THOC1: variants seen among roughly 807,000 people sequenced by gnomAD.
THOC1 encodes the protein THO complex 1.
Under a neutral mutation model 97.3 loss-of-function variants are expected in THOC1, and 29 were observed. The observed-to-expected ratio is 0.30, with a 90% CI of 0.22 to 0.41. The LOEUF (loss-of-function observed/expected upper bound fraction) is 0.41. Ranked by LOEUF, THOC1 falls within the 10% of genes least tolerant of loss-of-function variation. The probability of loss-of-function intolerance (pLI) is 1.00; values close to 1 mark genes in which losing one functional copy is unlikely to be tolerated. For missense variants in THOC1, 529 were observed against 761.9 expected (o/e 0.69, Z 3.60); for synonymous variants, 255 against 257.0 (o/e 0.99, Z 0.07).
intron 9 of THOC1, among the ~76,000 whole-genome samples, chr18:248,306 A>G (rs1912161221): frequency 6.6e-6 from 1 of 152,194 alleles, no homozygotes; most frequent in African/African-American, 2.4e-5. Flanking sequence ...CTTTTGGGCC[A>G]TATTTTATCA....
intron 11 of THOC1, among the ~76,000 whole-genome samples, chr18:227,381 C>T (rs952134032): frequency 6.6e-6 from 1 of 151,898 alleles, no homozygotes; most frequent in Admixed American, 6.6e-5. Flanking sequence ...GAAATAATGG[C>T]TAAAGAAGAT....
At chr18:248,238 G>A (rs567604781) in intron 9 of THOC1, among the ~76,000 whole-genome samples, 47 of 152,300 alleles carry the variant, frequency 3.1e-4, no homozygotes, top group Non-Finnish European at 4.4e-4. Flanking sequence ...CTTGCTGCTC[G>A]CATGGTCATG....
chr18:238,969 C>T (rs749326732), intron 11 of THOC1, among the ~76,000 whole-genome samples: 1 of 152,134 alleles, frequency 6.6e-6, no homozygotes, highest in Non-Finnish European at 1.5e-5. Context: ...TTTTAATAAA[C>T]ATAAGACTTT....
chr18:265,514 G>C lies in THOC1; in HGVS notation c.71C>G (p.Ala24Gly), dbSNP rs1255057456. 6.3e-7 allele frequency: 1 copy of C among 1,589,252 alleles called. No homozygotes were observed. Among genetic ancestry groups the C allele is most frequent in the African/African-American group, 1.3e-5 (1 of 74,318 alleles). Residue 24 changes from alanine (A) to glycine (G), a missense_variant, in exon 2 of 21, where the codon GCC (alanine) becomes GGC (glycine). Transcript: ENST00000261600. The stretch of plus-strand genomic sequence containing the variant: ...TGGCTTGATGTTTTTGTTGTTCAAG[G>C]CCTCTCTGGTAGACTTCTAAAAAAA... ...RTRFTKSTRE[A>G]LNNKNIKPLL...
chr18:216,212 A>G (rs371374149), intron 19 of THOC1: 1 of 295,010 alleles, frequency 3.4e-6, no homozygotes, highest in Non-Finnish European at 6.3e-6. Context: ...TCGGCCTCCC[A>G]AAGTGCTGGG....
At chr18:215,958 G>A (rs912923412) in intron 19 of THOC1, among the ~76,000 whole-genome samples, 3 of 152,042 alleles carry the variant, frequency 2.0e-5, no homozygotes, top group Non-Finnish European at 4.4e-5. Flanking sequence ...GAAGTATCAC[G>A]AACTTTAATT....
chr18:259,027 T>C (rs1341639800), intron 7 of THOC1, among the ~76,000 whole-genome samples, 153 bp downstream of exon 7: 1 of 152,156 alleles, frequency 6.6e-6, no homozygotes, highest in Non-Finnish European at 1.5e-5. Context: ...AGGACTGCTA[T>C]ACATTTATAA....
At chr18:224,841 T>A (rs1911223189) in intron 15 of THOC1, 83 bp downstream of exon 15, 1 of 1,100,654 alleles carries the variant, frequency 9.1e-7, no homozygotes, top group Non-Finnish European at 1.3e-6. Context: ...CATGCTATAA[T>A]CATATCGGAG....
rs530696555 is a variant in THOC1, at chr18:252,655, T to G, written c.604-43A>C. 4.6e-6 allele frequency: 7 copies of G among 1,511,586 alleles called. No individual in the cohort carries two copies. In the South Asian group the frequency reaches 8.1e-5, roughly 17 times the overall value. The allele number at this position is 1,511,586 out of a possible 1,614,324, so 93.6% of individuals were successfully genotyped here. A position where few individuals can be genotyped will look rare whatever the true frequency, so the allele number is the denominator to read the frequency against. ...TGTATAGCCTGTCATGAAGCAGTCATCAGACAGAAGAGATAAATGCTAGAA... is the reference window on the plus strand; with the variant it reads ...TGTATAGCCTGTCATGAAGCAGTCAGCAGACAGAAGAGATAAATGCTAGAA... On this transcript the variant is annotated intron_variant, in intron 8 of 20. Coordinates refer to ENST00000261600, the MANE Select transcript of THOC1 (RefSeq NM_005131.3).
intron 6 of THOC1, 109 bp downstream of exon 6, chr18:259,573 G>A (rs1912539733): frequency 1.2e-6 from 1 of 848,464 alleles, no homozygotes; most frequent in Admixed American, 2.9e-5. Flanking sequence ...TAAAAATGCA[G>A]ATACCTAATC....
chr18:222,968 A>G (rs1414446679), intron 17 of THOC1, among the ~76,000 whole-genome samples: 1 of 151,890 alleles, frequency 6.6e-6, no homozygotes, highest in South Asian at 2.1e-4. Flanking sequence ...GGACCTCCTC[A>G]ACTATCATTA....
At chr18:260,110 A>T (rs540995383) in intron 5 of THOC1, 76 bp downstream of exon 5, 221 of 704,992 alleles carry the variant, frequency 3.1e-4, no homozygotes, top group African/African-American at 2.7e-3. Context: ...AATAAATTTA[A>T]AAAAAAAAAT....
intron 11 of THOC1, 46 bp from the exon 12 acceptor site, chr18:226,947 T>C: frequency 6.9e-7 from 1 of 1,445,630 alleles, no homozygotes; most frequent in Non-Finnish European, 9.5e-7. Context: ...CACATTAAAA[T>C]CAAGTTTTTC....
chr18:226,934 C>T lies in THOC1; in HGVS notation c.919-33G>A, dbSNP rs1248927565. 6 of 1,516,936 alleles carry T rather than the reference C, an allele frequency of 4.0e-6. No homozygotes were observed. In the African/African-American group the frequency reaches 8.3e-5, roughly 21 times the overall value. The allele number at this position is 1,516,936 out of a possible 1,614,324, so 94.0% of individuals were successfully genotyped here. On this transcript the variant is annotated intron_variant, in intron 11 of 20. Transcript: ENST00000261600. ...AGAAACAAGCAAACACATACGAAAA[C>T]AACACATTAAAATCAAGTTTTTCCT...
At chr18:224,232 A>G (rs1430533463) in intron 15 of THOC1, 53 bp from the exon 16 acceptor site, 1 of 1,278,432 alleles carries the variant, frequency 7.8e-7, no homozygotes, top group African/African-American at 1.5e-5. Context: ...GATAACAGAA[A>G]TAGAAGAATG....
In THOC1 at chr18:214,908, C is replaced by G; in HGVS notation, c.1692G>C (p.Arg564=). 6.2e-7 allele frequency: 1 copy of G among 1,613,764 alleles called. No homozygotes were observed. Among genetic ancestry groups the G allele is most frequent in the Non-Finnish European group, 8.5e-7 (1 of 1,179,794 alleles). Residue 564 remains arginine, a synonymous_variant, in exon 21 of 21, where the codon CGG becomes CGC. Coordinates refer to ENST00000261600, the MANE Select transcript of THOC1 (RefSeq NM_005131.3). ...GTTCTCCTGTTACAGGTTTGTCTCG[C>G]CGAACATCAGGACCTAGAAAATGAA... ...LLKENESPDV[R]RDKPVTGEQI... is the part of the protein sequence containing the mutation.
chr18:265,547 A>G lies in THOC1; in HGVS notation c.55-17T>C. ...GGTAGACTTCTAAAAAAAAATTAAA[A>G]TGGCAAATAATTGTAAAGATTTTGC... On this transcript the variant is annotated splice_polypyrimidine_tract_variant and intron_variant, in intron 1 of 20. Coordinates refer to ENST00000261600, the MANE Select transcript of THOC1 (RefSeq NM_005131.3). 1 of 1,536,996 alleles carries G rather than the reference A, an allele frequency of 6.5e-7. No homozygotes were observed. The highest frequency in any genetic ancestry group is 8.8e-7 in the Non-Finnish European group (1 of 1,139,542).
At chr18:237,678 C>G (rs1911755611) in intron 11 of THOC1, among the ~76,000 whole-genome samples, 1 of 151,978 alleles carries the variant, frequency 6.6e-6, no homozygotes, top group Non-Finnish European at 1.5e-5. Context: ...ACAATTTAAA[C>G]TTTTAATTTT....
At chr18:257,407 A>G (rs1345153582) in intron 7 of THOC1, among the ~76,000 whole-genome samples, 1 of 152,246 alleles carries the variant, frequency 6.6e-6, no homozygotes, top group Non-Finnish European at 1.5e-5. Context: ...TGTTAGAGAA[A>G]GAGGTTAATA....
Sources: allele counts gnomAD v4.1 joint callset (sites outside exome capture counted in the v4.1 genomes callset), GRCh38; gene constraint gnomAD v4.1.1; transcripts MANE v1.5; gene names NCBI Gene and HGNC (gene_info 2026-07-23, HGNC 2026-07-21).